UBE2W: variants seen among roughly 807,000 people sequenced by gnomAD.
UBE2W encodes the protein ubiquitin-conjugating enzyme E2 W.
UBE2W carries 18 observed loss-of-function variants against 27.2 expected under a neutral mutation model. The observed-to-expected ratio is 0.66, with a 90% confidence interval of 0.46 to 0.98. The LOEUF is 0.98. UBE2W is among the 50% of genes least tolerant of loss of function. The probability of loss-of-function intolerance (pLI) is 0.00; values close to 1 mark genes in which losing one functional copy is unlikely to be tolerated. For missense variants in UBE2W, 90 were observed against 180.2 expected, an observed-to-expected ratio of 0.50 and a Z score of 2.87; for synonymous variants, 53 against 57.2, an observed-to-expected ratio of 0.93 and a Z score of 0.33.
intron 1 of UBE2W, among the ~76,000 whole-genome samples, chr8:73,860,827 A>G (rs1811506721): frequency 6.6e-6 from 1 of 152,198 alleles, no homozygotes; most frequent in Admixed American, 6.6e-5. Context: ...CTATCAAAAC[A>G]GCCCAAAATT....
intron 1 of UBE2W, among the ~76,000 whole-genome samples, chr8:73,834,344 C>T (rs1810217737): frequency 1.3e-5 from 2 of 152,212 alleles, no homozygotes. Context: ...TTATTTTCTA[C>T]TGATATTCAC....
intron 4 of UBE2W, among the ~76,000 whole-genome samples, chr8:73,806,475 G>A (rs1452740644): frequency 6.6e-6 from 1 of 151,250 alleles, no homozygotes; most frequent in Non-Finnish European, 1.5e-5. Flanking sequence ...CGAGGCGGGT[G>A]GATCACGAGG....
At chr8:73,874,217 G>T (rs539654813) in intron 1 of UBE2W, among the ~76,000 whole-genome samples, 2 of 152,004 alleles carry the variant, frequency 1.3e-5, no homozygotes, top group South Asian at 4.2e-4. Context: ...GGATCACGAG[G>T]TCAGGAGATG....
chr8:73,866,102 C>A (rs1811744202), intron 1 of UBE2W, among the ~76,000 whole-genome samples: 1 of 151,242 alleles, frequency 6.6e-6, no homozygotes, highest in African/African-American at 2.4e-5. Flanking sequence ...ATGGTGAAAC[C>A]CCGTCTAAAA....
At chr8:73,804,926 T>C (rs1341514270) in intron 5 of UBE2W, among the ~76,000 whole-genome samples, 1 of 151,892 alleles carries the variant, frequency 6.6e-6, no homozygotes, top group Non-Finnish European at 1.5e-5. Flanking sequence ...TTTCACCATG[T>C]TGACCAAGCT....
intron 2 of UBE2W, 37 bp from the exon 3 acceptor site, chr8:73,825,286 TAGAGACTGGGGTAA>T: frequency 6.9e-7 from 1 of 1,446,174 alleles, no homozygotes; most frequent in Non-Finnish European, 9.4e-7. Flanking sequence ...CTTAAGATAA[TAGAGACTGGGGTAA>T]GGAGGAGAAA....
intron 1 of UBE2W, among the ~76,000 whole-genome samples, chr8:73,877,621 G>A (rs2131006656): frequency 6.6e-6 from 1 of 152,238 alleles, no homozygotes; most frequent in South Asian, 2.1e-4. Context: ...GCTTCTTCCA[G>A]AAACAAAAGC....
chr8:73,829,211 A>G (rs1809973377), intron 2 of UBE2W, among the ~76,000 whole-genome samples: 1 of 152,174 alleles, frequency 6.6e-6, no homozygotes, highest in African/African-American at 2.4e-5. Context: ...AACTTTTTAT[A>G]AATTATTGTG....
chr8:73,839,726 GTTTTTT>G (rs149185338), intron 1 of UBE2W, among the ~76,000 whole-genome samples: 4 of 123,136 alleles, frequency 3.2e-5, no homozygotes, highest in African/African-American at 6.3e-5. Context: ...TTCTTTTTTG[GTTTTTT>G]TTTTTTTTTT....
At chr8:73,806,382 C>T (rs1586457603) in intron 4 of UBE2W, among the ~76,000 whole-genome samples, 1 of 151,326 alleles carries the variant, frequency 6.6e-6, no homozygotes, top group South Asian at 2.1e-4. Flanking sequence ...CAGAGTGAGA[C>T]TCCATCTCAA....
At chr8:73,804,610 G>A (rs1441393066) in intron 5 of UBE2W, among the ~76,000 whole-genome samples, 2 of 151,160 alleles carry the variant, frequency 1.3e-5, no homozygotes, top group African/African-American at 2.4e-5. Flanking sequence ...ATTTAATGAG[G>A]TACCCCTTAC....
At chr8:73,859,308 C>A (rs1811445687) in intron 1 of UBE2W, among the ~76,000 whole-genome samples, 1 of 152,120 alleles carries the variant, frequency 6.6e-6, no homozygotes. Flanking sequence ...GAGTTTGAGA[C>A]CACCCTGGCC....
rs1211314362 is a variant in UBE2W, at chr8:73,792,673, G to GA, written c.*1428dup. ...CATTAGTAAAAATAACATTGTAGTA[G>GA]AAACAGATTTTGCATATGTGAAAAG... On this transcript the variant is annotated 3_prime_UTR_variant, in exon 6 of 6. Transcript: ENST00000602593. 1 of 985,282 alleles carries GA rather than the reference G, an allele frequency of 1.0e-6. No homozygotes were observed. Among genetic ancestry groups the GA allele is most frequent in the African/African-American group, 1.7e-5 (1 of 57,192 alleles). 61.0% of individuals were successfully genotyped at this position (985,282 alleles called of 1,614,324 possible).
chr8:73,805,472 C>CAAAAAAAAAAAACAAAAAAAAAAAA, intron 5 of UBE2W, among the ~76,000 whole-genome samples, 179 bp downstream of exon 5: 16 of 43,682 alleles, frequency 3.7e-4, no homozygotes, highest in South Asian at 9.3e-4. Flanking sequence ...AAAAAAAAAA[C>CAAAAAAAAAAAACAAAAAAAAAAAA]AAAAAAAACT....
At chr8:73,814,796 AG>A (rs1315297699) in intron 3 of UBE2W, among the ~76,000 whole-genome samples, 1 of 152,256 alleles carries the variant, frequency 6.6e-6, no homozygotes, top group Admixed American at 6.5e-5. Flanking sequence ...CTGGGATTAC[AG>A]GCGTGAGCCA....
At chr8:73,861,381 A>G (rs1811528441) in intron 1 of UBE2W, among the ~76,000 whole-genome samples, 1 of 152,196 alleles carries the variant, frequency 6.6e-6, no homozygotes, top group Non-Finnish European at 1.5e-5. Context: ...AAGGGCAAAA[A>G]GACTTAAAAA....
At position 73,788,234 on chromosome 8, in the gene UBE2W, G is replaced by C; in HGVS notation, c.*5868C>G. The C allele has an allele frequency of 1.1e-6, 1 of 943,550 alleles. No individual in the cohort carries two copies. Among genetic ancestry groups the C allele is most frequent in the Non-Finnish European group, 1.3e-6 (1 of 792,024 alleles). 58.4% of individuals were successfully genotyped at this position (943,550 alleles called of 1,614,324 possible). ...CATGTATTAAAAAATATATAACATA[G>C]ATTTGTCTGTTTTAACATTTATATT... On this transcript the variant is annotated 3_prime_UTR_variant, in exon 6 of 6. Transcript: ENST00000602593.
intron 1 of UBE2W, among the ~76,000 whole-genome samples, chr8:73,846,424 T>C (rs75293203): frequency 0.057 from 8,661 of 152,170 alleles, 807 homozygotes; most frequent in African/African-American, 0.19. Flanking sequence ...GAAAAAACTC[T>C]TTGGGGCAGA....
chr8:73,833,895 C>T (rs575365594), intron 1 of UBE2W: 9 of 152,308 alleles, frequency 5.9e-5, no homozygotes, highest in African/African-American at 2.2e-4. Context: ...CCTCCTGAGA[C>T]AACCTGGTGG....
Sources: allele counts gnomAD v4.1 joint callset (sites outside exome capture counted in the v4.1 genomes callset), GRCh38; gene constraint gnomAD v4.1.1; transcripts MANE v1.5; gene names NCBI Gene and HGNC (gene_info 2026-07-23, HGNC 2026-07-21).